The following SMURF1 variants were observed in gnomAD, a reference collection of about 807,000 sequenced individuals.
SMURF1 encodes the protein E3 ubiquitin-protein ligase SMURF1.
A neutral mutation model predicts 98.0 loss-of-function variants in SMURF1; 44 were observed. The observed-to-expected ratio is 0.45, with a 90% CI of 0.35 to 0.58. The LOEUF (loss-of-function observed/expected upper bound fraction) is 0.58. Ranked by LOEUF, SMURF1 falls within the 20% of genes least tolerant of loss-of-function variation. The probability of loss-of-function intolerance (pLI) is 0.00; values close to 1 mark genes in which losing one functional copy is unlikely to be tolerated. For missense variants in SMURF1, 687 were observed against 938.4 expected (o/e 0.73, Z 3.50); for synonymous variants, 396 against 374.9 (o/e 1.06, Z -0.65).
At position 99,122,322 on chromosome 7, in the gene SMURF1, T is replaced by G. The variant is rs1214477331; in HGVS notation, c.55+21404A>C. Among the ~76,000 whole-genome samples the G allele has an allele frequency of 3.2e-5, 4 of 123,762 alleles. No individual in the cohort carries two copies. The Admixed American group carries it at 3.7e-4, about 11-fold the overall frequency. The allele number at this position is 123,762 out of a possible 152,430, so 81.2% of individuals were successfully genotyped here. ...CAGCCTGGGCAATAGAGTGAGACTC[T>G]GTCTCAAAAAAAAAAAAGAAGAAGA... On this transcript the variant is annotated intron_variant, in intron 1 of 17. Transcript: ENST00000361368.
At chr7:99,042,278 T>C (rs1386193508) in intron 11 of SMURF1, 46 bp from the exon 12 acceptor site, 1 of 1,373,248 alleles carries the variant, frequency 7.3e-7, no homozygotes, top group Non-Finnish European at 1.0e-6. Context: ...CTAAAATTTC[T>C]ACATTTTTTT....
At chr7:99,040,646 T>A in intron 12 of SMURF1, 90 bp from the exon 13 acceptor site, 1 of 1,256,290 alleles carries the variant, frequency 8.0e-7, no homozygotes, top group South Asian at 2.4e-5. Flanking sequence ...TTGGGAAAAG[T>A]GTCCCAGAGG....
intron 1 of SMURF1, among the ~76,000 whole-genome samples, chr7:99,075,307 A>G (rs1796427077): frequency 6.6e-6 from 1 of 152,066 alleles, no homozygotes; most frequent in South Asian, 2.1e-4. Context: ...TTTTTTGTAC[A>G]GCTGGAATCT....
At chr7:99,119,292 A>C (rs1362151244) in intron 1 of SMURF1, among the ~76,000 whole-genome samples, 1 of 152,168 alleles carries the variant, frequency 6.6e-6, no homozygotes, top group East Asian at 1.9e-4. Flanking sequence ...AGGCGTGAAG[A>C]GATTTCCTTT....
rs1255968692 is a variant in SMURF1 at position 99,057,140 on chromosome 7, G to A, written c.403+65C>T. The A allele has an allele frequency of 2.0e-5, 31 of 1,570,998 alleles. No individual in the cohort carries two copies. In the Admixed American group the frequency reaches 2.0e-4, roughly 10 times the overall value. ...CGTCAGTGCCTGTATGTGAGTTCTCGGCGATGAAGGGTTGAATGTAAGTTC... is the reference window on the plus strand; with the variant it reads ...CGTCAGTGCCTGTATGTGAGTTCTCAGCGATGAAGGGTTGAATGTAAGTTC... On this transcript the variant is annotated intron_variant, in intron 5 of 17. Transcript: ENST00000361368.
chr7:99,066,315 G>T (rs1246185827), intron 1 of SMURF1, among the ~76,000 whole-genome samples: 1 of 152,098 alleles, frequency 6.6e-6, no homozygotes, highest in East Asian at 1.9e-4. Flanking sequence ...TCTGGGCCCT[G>T]GTTTTTGGAG....
At chr7:99,143,297 G>C (rs1471883878) in intron 1 of SMURF1, among the ~76,000 whole-genome samples, 5 of 144,400 alleles carry the variant, frequency 3.5e-5, no homozygotes, top group Non-Finnish European at 7.6e-5. Flanking sequence ...AGGTGCTAGG[G>C]AGAGGAAGGG....
chr7:99,074,540 C>T (rs1796407570), intron 1 of SMURF1, among the ~76,000 whole-genome samples: 2 of 152,008 alleles, frequency 1.3e-5, no homozygotes, highest in African/African-American at 4.8e-5. Flanking sequence ...ACATCATACA[C>T]AAAAATTGGC....
Position 99,030,493 on chromosome 7 carries a change from G to T in SMURF1, c.*91C>A. 1 of 1,055,782 alleles carries T rather than the reference G, an allele frequency of 9.5e-7. No homozygotes were observed. The highest frequency in any genetic ancestry group is 1.4e-5 in the South Asian group (1 of 73,462). The allele number at this position is 1,055,782 out of a possible 1,614,324, so 65.4% of individuals were successfully genotyped here. A position where few individuals can be genotyped will look rare whatever the true frequency, so the allele number is the denominator to read the frequency against. ...TCCCCTCAGGTGATCTGGAATTCCA[G>T]GGCCTCTGCCAGCTTTGCAGGAGGT... On this transcript the variant is annotated 3_prime_UTR_variant, in exon 18 of 18. Coordinates refer to ENST00000361368, the MANE Select transcript of SMURF1 (RefSeq NM_181349.3).
chr7:99,108,243 A>C (rs1282574709), intron 1 of SMURF1, among the ~76,000 whole-genome samples: 1 of 151,782 alleles, frequency 6.6e-6, no homozygotes, highest in Non-Finnish European at 1.5e-5. Flanking sequence ...TTTGATACGG[A>C]GTCTCGCTCT....
chr7:99,078,943 G>GA (rs1796522414), intron 1 of SMURF1, among the ~76,000 whole-genome samples: 1 of 152,236 alleles, frequency 6.6e-6, no homozygotes, highest in Admixed American at 6.5e-5. Context: ...CCTGTCCACG[G>GA]AAAAATTGTC....
intron 1 of SMURF1, among the ~76,000 whole-genome samples, chr7:99,063,253 A>ATATATATATATAAGATT (rs1796090805): frequency 2.7e-4 from 1 of 3,762 alleles, no homozygotes; most frequent in Non-Finnish European, 6.2e-4. Context: ...ATATATATAT[A>ATATATATATATAAGATT]TATATATATA....
chr7:99,102,453 C>T (rs1199336181), intron 1 of SMURF1, among the ~76,000 whole-genome samples: 3 of 152,130 alleles, frequency 2.0e-5, no homozygotes, highest in Non-Finnish European at 4.4e-5. Context: ...TATGTGAATT[C>T]TATCTTAATA....
At chr7:99,142,966 G>A (rs1419423419) in intron 1 of SMURF1, among the ~76,000 whole-genome samples, 3 of 146,024 alleles carry the variant, frequency 2.1e-5, no homozygotes, top group Non-Finnish European at 3.0e-5. Flanking sequence ...AAAAAAAGGA[G>A]AGAAGCAAGG....
intron 12 of SMURF1, 104 bp from the exon 13 acceptor site, chr7:99,040,660 C>T (rs1795340993): frequency 9.1e-7 from 1 of 1,092,954 alleles, no homozygotes; most frequent in Non-Finnish European, 1.2e-6. Flanking sequence ...CCAGAGGCAA[C>T]CAGACCTACT....
intron 11 of SMURF1, among the ~76,000 whole-genome samples, 167 bp from the exon 12 acceptor site, chr7:99,042,399 G>A (rs1199342928): frequency 1.3e-5 from 2 of 151,876 alleles, no homozygotes; most frequent in Admixed American, 6.6e-5. Context: ...CCTGCCTCCC[G>A]AGTAGCTGGC....
At chr7:99,054,585 C>T (rs910921556) in intron 6 of SMURF1, among the ~76,000 whole-genome samples, 4 of 152,062 alleles carry the variant, frequency 2.6e-5, no homozygotes, top group South Asian at 2.1e-4. Context: ...GGATTATAAG[C>T]GTGAGCCACC....
intron 1 of SMURF1, among the ~76,000 whole-genome samples, chr7:99,063,383 C>G (rs1165957170): frequency 6.8e-6 from 1 of 146,542 alleles, no homozygotes; most frequent in Non-Finnish European, 1.5e-5. Context: ...GCCTCAAACC[C>G]TTGGGCTCTA....
intron 1 of SMURF1, among the ~76,000 whole-genome samples, chr7:99,090,775 A>C (rs180973110): frequency 6.6e-6 from 1 of 152,328 alleles, no homozygotes; most frequent in East Asian, 1.9e-4. Flanking sequence ...TTCTTAAAAC[A>C]AAATTCCTAG....
Sources: allele counts gnomAD v4.1 joint callset (sites outside exome capture counted in the v4.1 genomes callset), GRCh38; gene constraint gnomAD v4.1.1; transcripts MANE v1.5; gene names NCBI Gene and HGNC (gene_info 2026-07-23, HGNC 2026-07-21).